GRAP2: variants seen among roughly 807,000 people sequenced by gnomAD.
GRAP2 encodes GRB2-related adapter protein 2.
GRAP2 carries 31 observed loss-of-function variants against 43.5 expected under a neutral mutation model. That is an observed-to-expected ratio of 0.71 (90% CI 0.54 to 0.96). The LOEUF (loss-of-function observed/expected upper bound fraction) is 0.96. Ranked by LOEUF, GRAP2 falls within the 40% of genes least tolerant of loss-of-function variation. The pLI, the probability that GRAP2 is intolerant of heterozygous loss-of-function variation, is 0.00. For synonymous variants in GRAP2, 156 were observed against 164.8 expected (o/e 0.95, Z 0.41); for missense variants, 371 against 424.4 (o/e 0.87, Z 1.11).
chr22:39,953,205 G>A (rs911837677), intron 2 of GRAP2, among the ~76,000 whole-genome samples: 1 of 152,086 alleles, frequency 6.6e-6, no homozygotes, highest in Non-Finnish European at 1.5e-5. Flanking sequence ...TCTCTCCTGG[G>A]TCCAGACTGA....
chr22:39,938,708 C>T (rs2066832825), intron 1 of GRAP2, among the ~76,000 whole-genome samples: 1 of 152,206 alleles, frequency 6.6e-6, no homozygotes, highest in African/African-American at 2.4e-5. Flanking sequence ...ATCAGCTGCC[C>T]GTTAGTCACC....
chr22:39,926,731 A>C (rs1185279306), intron 1 of GRAP2: 1 of 985,284 alleles, frequency 1.0e-6, no homozygotes, highest in Non-Finnish European at 1.2e-6. Flanking sequence ...GAAATTGTTA[A>C]TGGGGACTGC....
chr22:39,920,886 T>C (rs1265387200), intron 1 of GRAP2, among the ~76,000 whole-genome samples: 3 of 150,628 alleles, frequency 2.0e-5, no homozygotes, highest in African/African-American at 7.3e-5. Context: ...CAAGACCTGA[T>C]AGGCCAGCTC....
At chr22:39,944,180 A>G (rs146220912) in intron 1 of GRAP2, among the ~76,000 whole-genome samples, 1,575 of 152,360 alleles carry the variant, frequency 0.01, 49 homozygotes, top group Admixed American at 0.067. Flanking sequence ...CCAATGCAGT[A>G]TGTAGTGGTG....
At chr22:39,954,507 G>A (rs2145651655) in intron 2 of GRAP2, among the ~76,000 whole-genome samples, 1 of 152,236 alleles carries the variant, frequency 6.6e-6, no homozygotes, top group Admixed American at 6.5e-5. Context: ...CAATTCTCCT[G>A]CCTCAGCCTC....
intron 1 of GRAP2, among the ~76,000 whole-genome samples, chr22:39,928,497 T>C (rs1057504079): frequency 2.6e-5 from 4 of 152,160 alleles, no homozygotes; most frequent in African/African-American, 9.7e-5. Flanking sequence ...CCCAACTTAT[T>C]TGAGTCTGTT....
At chr22:39,959,352 A>T (rs549584474) in intron 3 of GRAP2, among the ~76,000 whole-genome samples, 2 of 152,290 alleles carry the variant, frequency 1.3e-5, no homozygotes, top group African/African-American at 4.8e-5. Flanking sequence ...CACAGTAAAG[A>T]TTATTTCCCA....
chr22:39,955,745 C>A, intron 2 of GRAP2, 74 bp from the exon 3 acceptor site: 1 of 764,866 alleles, frequency 1.3e-6, no homozygotes, highest in Non-Finnish European at 2.4e-6. Context: ...GCCTTCTTTG[C>A]CTGGCAGCCC....
chr22:39,935,332 T>A (rs1474938835), intron 1 of GRAP2, among the ~76,000 whole-genome samples: 1 of 152,302 alleles, frequency 6.6e-6, no homozygotes, highest in Non-Finnish European at 1.5e-5. Flanking sequence ...CGATGCCCAT[T>A]GTCTATCATC....
At position 39,960,140 on chromosome 22, in the gene GRAP2, C is replaced by G. The variant is rs759767093; in HGVS notation, c.256C>G (p.Gln86Glu). 5.0e-6 allele frequency: 8 copies of G among 1,613,122 alleles called. No homozygotes were observed. The highest frequency in any genetic ancestry group is 6.8e-6 in the Non-Finnish European group (8 of 1,179,154). ...TGGCTTCTTCATCATCCGGGCCAGC[C>G]AGAGCTCCCCAGGGGACTTCTCCAT... ...EVGFFIIRAS[Q>E]SSPGDFSISV... is the part of the protein sequence containing the mutation. The change falls in exon 4 of 8, where the codon CAG becomes GAG. Residue 86 changes from glutamine (Q) to glutamate (E), a missense_variant. Transcript: ENST00000344138.
intron 2 of GRAP2, 55 bp downstream of exon 2, chr22:39,947,239 C>A: frequency 2.4e-6 from 2 of 824,424 alleles, no homozygotes; most frequent in South Asian, 1.3e-5. Flanking sequence ...ACTCAGTAAT[C>A]TGACAGTCCC....
chr22:39,953,017 G>A (rs2067003939), intron 2 of GRAP2, among the ~76,000 whole-genome samples: 1 of 152,088 alleles, frequency 6.6e-6, no homozygotes, highest in South Asian at 2.1e-4. Context: ...TCACAACACT[G>A]TCCCCTTCCT....
intron 1 of GRAP2, among the ~76,000 whole-genome samples, chr22:39,923,846 G>A (rs188379477): frequency 6.6e-6 from 1 of 152,162 alleles, no homozygotes; most frequent in African/African-American, 2.4e-5. Flanking sequence ...TTCACTGCCC[G>A]GTTACAAATT....
rs2145561814 is a variant in GRAP2, at chr22:39,901,268, A to G, written c.-77A>G. ...TTGAATTTGTCTCCCTTCTTGCCAG[A>G]AAGGATTCTAATAACTCGGTGTCAA... On this transcript the variant is annotated 5_prime_UTR_variant, in exon 1 of 8. Coordinates refer to ENST00000344138, the MANE Select transcript of GRAP2 (RefSeq NM_004810.4). 1 of 1,282,186 alleles carries G rather than the reference A, an allele frequency of 7.8e-7. No homozygotes were observed. The allele number at this position is 1,282,186 out of a possible 1,614,324, so 79.4% of individuals were successfully genotyped here. A position where few individuals can be genotyped will look rare whatever the true frequency, so the allele number is the denominator to read the frequency against.
intron 1 of GRAP2, among the ~76,000 whole-genome samples, chr22:39,945,123 C>T (rs2066908863): frequency 6.6e-6 from 1 of 152,218 alleles, no homozygotes; most frequent in Non-Finnish European, 1.5e-5. Flanking sequence ...ATACTCCTTC[C>T]TGTTGAGTGG....
chr22:39,971,168 T>C lies in GRAP2; in HGVS notation c.*84T>C. 2.0e-6 allele frequency: 2 copies of C among 996,068 alleles called. No homozygotes were observed. Among genetic ancestry groups the C allele is most frequent in the South Asian group, 1.4e-5 (1 of 69,774 alleles). The allele number at this position is 996,068 out of a possible 1,614,324, so 61.7% of individuals were successfully genotyped here. ...AAAAAGGCTGGACTCCATGACTATATATACATACATCTATCTACATCTGCC... is the reference window on the plus strand; with the variant it reads ...AAAAAGGCTGGACTCCATGACTATACATACATACATCTATCTACATCTGCC... On this transcript the variant is annotated 3_prime_UTR_variant, in exon 8 of 8. Transcript: ENST00000344138.
chr22:39,966,375 C>T (rs1466283066), intron 5 of GRAP2, among the ~76,000 whole-genome samples: 2 of 152,184 alleles, frequency 1.3e-5, no homozygotes, highest in African/African-American at 2.4e-5. Context: ...AAAGTAGGGA[C>T]AATGGTAATA....
intron 1 of GRAP2, among the ~76,000 whole-genome samples, chr22:39,909,268 G>A (rs748889429): frequency 1.9e-4 from 29 of 152,348 alleles, no homozygotes; most frequent in Non-Finnish European, 2.8e-4. Context: ...AGGAGAAAGT[G>A]TGAAGTCAAG....
Position 39,901,165 on chromosome 22 carries a change from C to T in GRAP2, c.-180C>T. On this transcript the variant is annotated 5_prime_UTR_variant, in exon 1 of 8. Coordinates refer to ENST00000344138, the MANE Select transcript of GRAP2 (RefSeq NM_004810.4). ...GAGGCACAGTTAATGGATCTGTAAA[C>T]TTGCACCCTCTTTCAGAGTGGTACA... 1 of 544,268 alleles carries T rather than the reference C, an allele frequency of 1.8e-6. No individual in the cohort carries two copies. Among genetic ancestry groups the T allele is most frequent in the South Asian group, 1.5e-5 (1 of 64,966 alleles). The allele number at this position is 544,268 out of a possible 1,614,324, so 33.7% of individuals were successfully genotyped here.
Sources: gnomAD v4.1 joint callset for allele counts (sites outside exome capture counted in the v4.1 genomes callset) on GRCh38, gnomAD v4.1.1 for gene constraint, MANE v1.5 for transcripts, NCBI Gene and HGNC (gene_info 2026-07-23, HGNC 2026-07-21) for gene names.